The following PFKP variants were observed in gnomAD, a reference collection of about 807,000 sequenced individuals.
The protein encoded by PFKP is phosphofructokinase, platelet, also known as ATP-dependent 6-phosphofructokinase, platelet type.
Under a neutral mutation model 94.3 loss-of-function variants are expected in PFKP, and 101 were observed. The observed-to-expected ratio is 1.07, with a 90% CI of 0.91 to 1.26. The LOEUF is 1.26. PFKP is among the 50% of genes most tolerant of loss of function. The probability of loss-of-function intolerance (pLI) is 0.00; values close to 1 mark genes in which losing one functional copy is unlikely to be tolerated. For missense variants in PFKP, 1,145 were observed against 1,103.3 expected (o/e 1.04, Z -0.53); for synonymous variants, 573 against 432.6 (o/e 1.32, Z -4.03).
At chr10:3,118,428 A>G (rs974971287) in intron 14 of PFKP, among the ~76,000 whole-genome samples, 4 of 152,198 alleles carry the variant, frequency 2.6e-5, no homozygotes, top group Non-Finnish European at 5.9e-5. Context: ...AGATTACGCC[A>G]CTACACTCCA....
chr10:3,074,470 G>A (rs1042163023), intron 1 of PFKP, among the ~76,000 whole-genome samples: 6 of 152,186 alleles, frequency 3.9e-5, no homozygotes, highest in Non-Finnish European at 8.8e-5. Context: ...CTCCGATAAG[G>A]GTGGCTTTGT....
At chr10:3,107,366 T>TA in intron 8 of PFKP, 57 bp downstream of exon 8, 1 of 1,034,814 alleles carries the variant, frequency 9.7e-7, no homozygotes, top group Non-Finnish European at 1.5e-6. Context: ...CAGGGGAGGC[T>TA]AGCGTCATGG....
chr10:3,125,111 G>A (rs115270591), intron 16 of PFKP: 92 of 1,315,524 alleles, frequency 7.0e-5, no homozygotes, highest in Middle Eastern at 2.3e-4. Flanking sequence ...ACAAGAGTGC[G>A]TGCGACATGG....
chr10:3,069,097 G>A, intron 1 of PFKP: 1 of 336,116 alleles, frequency 3.0e-6, no homozygotes, highest in African/African-American at 2.2e-5. Context: ...CCCGACACCC[G>A]TGCGCCGCGC....
At chr10:3,117,135 T>C (rs1308806655) in intron 14 of PFKP, among the ~76,000 whole-genome samples, 2 of 152,186 alleles carry the variant, frequency 1.3e-5, no homozygotes, top group African/African-American at 4.8e-5. Context: ...AAGCCTCCAC[T>C]TGGAGGTCAT....
At chr10:3,093,191 ATTT>A (rs35072017) in intron 2 of PFKP, among the ~76,000 whole-genome samples, 1 of 147,280 alleles carries the variant, frequency 6.8e-6, no homozygotes, top group East Asian at 2.0e-4. Flanking sequence ...ACTGTGTCTG[ATTT>A]TTTTTTTTTT....
intron 1 of PFKP, among the ~76,000 whole-genome samples, chr10:3,080,536 AAAAAG>A (rs1475676822): frequency 1.7e-4 from 26 of 149,978 alleles, no homozygotes; most frequent in East Asian, 3.9e-4. Context: ...AAAAAAAAAA[AAAAAG>A]AGAATATTGA....
rs751059143 is a variant in PFKP at position 3,100,923 on chromosome 10, G to A, written c.265-442G>A. 3.3e-5 allele frequency: 53 copies of A among 1,595,486 alleles called. No individual in the cohort carries two copies. In the South Asian group the frequency reaches 4.4e-4, roughly 13 times the overall value. On this transcript the variant is annotated intron_variant, in intron 3 of 21. Coordinates refer to ENST00000381125, the MANE Select transcript of PFKP (RefSeq NM_002627.5). ...GTTCCTGCTGGTTTTACTTGCAGGT[G>A]CTGTAAGGGGTGACTGGAGGGAGAA...
chr10:3,113,168 C>A lies in PFKP; in HGVS notation c.1204C>A (p.Pro402Thr), dbSNP rs748463060. 1 of 1,612,594 alleles carries A rather than the reference C, an allele frequency of 6.2e-7. No individual in the cohort carries two copies. Among genetic ancestry groups the A allele is most frequent in the Non-Finnish European group, 8.5e-7 (1 of 1,179,430 alleles). The change falls in exon 12 of 22, where the codon CCG becomes ACG. Residue 402 changes from proline (P) to threonine (T), a missense_variant. Physicochemically the swap from Pro to Thr is conservative, Grantham distance 38. Transcript: ENST00000381125. Reference sequence around the variant, plus strand: ...CTACAAGCGACTTGCCATCAAGCTGCCGGATGATCAGATCCCAAAGGTAGG... The same window carrying A: ...CTACAAGCGACTTGCCATCAAGCTGACGGATGATCAGATCCCAAAGGTAGG... ...NTYKRLAIKL[P>T]DDQIPKTNCN...
intron 4 of PFKP, among the ~76,000 whole-genome samples, chr10:3,102,469 A>G (rs1211761366): frequency 6.6e-6 from 1 of 151,812 alleles, no homozygotes; most frequent in Non-Finnish European, 1.5e-5. Flanking sequence ...GCTGGAGTGC[A>G]GTGGCACGAT....
rs575893132 is a variant in PFKP, at chr10:3,112,273, C to T, written c.1141C>T (p.Arg381Ter). 20 of 1,613,378 alleles carry T rather than the reference C, an allele frequency of 1.2e-5. No homozygotes were observed. Among genetic ancestry groups the T allele is most frequent in the South Asian group, 2.2e-5 (2 of 91,076 alleles). ...MDERRFQDAVRLRGRSFAGNL... is the reference protein window; with the variant it reads ...MDERRFQDAV ...CGAGAGGAGATTTCAAGATGCGGTTCGACTCCGAGGGAGGTGAGGTGCTTT... is the reference window on the plus strand; with the variant it reads ...CGAGAGGAGATTTCAAGATGCGGTTTGACTCCGAGGGAGGTGAGGTGCTTT... The change falls in exon 11 of 22, where the codon CGA (arginine) becomes TGA (stop). Residue 381 changes from arginine (R) to a stop codon, truncating the protein, a stop_gained. Transcript: ENST00000381125. LOFTEE classifies it high-confidence loss of function.
In PFKP at chr10:3,100,574, G is replaced by A. The variant is rs560821998; in HGVS notation, c.265-791G>A. The stretch of plus-strand genomic sequence containing the variant: ...GTCTCCTGGGAGCTGCCTGCAGACC[G>A]AAGGCAGGGAGAGCTTCGCCTCCAG... On this transcript the variant is annotated intron_variant, in intron 3 of 21. Coordinates refer to ENST00000381125, the MANE Select transcript of PFKP (RefSeq NM_002627.5). Among the ~76,000 whole-genome samples, 14 of 152,278 alleles carry A rather than the reference G, an allele frequency of 9.2e-5. 1 individual carries two copies. The highest frequency in any genetic ancestry group is 3.1e-4 in the African/African-American group (13 of 41,562).
Position 3,128,484 on chromosome 10 carries a change from C to T in PFKP, c.1684-1335C>T, listed in dbSNP as rs528848683. On this transcript the variant is annotated intron_variant, in intron 16 of 21. Coordinates refer to ENST00000381125, the MANE Select transcript of PFKP (RefSeq NM_002627.5). ...TGGCCGCTGTGACACTGACCACACA[C>T]CTGGGGCTGGAAAATAATACTCTCT... Among the ~76,000 whole-genome samples, 270 of 140,784 alleles carry T rather than the reference C, an allele frequency of 1.9e-3. 3 individuals carry two copies. The highest frequency in any genetic ancestry group is 1.5e-3 in the Non-Finnish European group (94 of 63,816). The allele number at this position is 140,784 out of a possible 152,430, so 92.4% of individuals were successfully genotyped here. A position where few individuals can be genotyped will look rare whatever the true frequency, so the allele number is the denominator to read the frequency against.
Position 3,099,439 on chromosome 10 carries a change from A to T in PFKP, c.264+87A>T, listed in dbSNP as rs555186219. On this transcript the variant is annotated intron_variant, in intron 3 of 21. Transcript: ENST00000381125. ...TTCCCAGAACACTTGAGCTCAGATCAGTTGCGAAATAGAGATTATGTGGAC... is the reference window on the plus strand; with the variant it reads ...TTCCCAGAACACTTGAGCTCAGATCTGTTGCGAAATAGAGATTATGTGGAC... 1.4e-4 allele frequency: 152 copies of T among 1,050,062 alleles called. 1 individual carries two copies. The South Asian group carries it at 1.8e-3, about 12-fold the overall frequency. 65.0% of individuals were successfully genotyped at this position (1,050,062 alleles called of 1,614,324 possible).
At chr10:3,101,994 G>A (rs951132135) in intron 4 of PFKP, among the ~76,000 whole-genome samples, 55 of 150,880 alleles carry the variant, frequency 3.6e-4, no homozygotes, top group African/African-American at 1.3e-3. Flanking sequence ...GCTCACGCCT[G>A]TAATCCCAGC....
chr10:3,094,156 G>A (rs1007445131), intron 2 of PFKP, among the ~76,000 whole-genome samples: 13 of 152,184 alleles, frequency 8.5e-5, no homozygotes, highest in Non-Finnish European at 1.6e-4. Context: ...TCAAGGTGGG[G>A]TTTGCTGTAA....
intron 16 of PFKP, chr10:3,128,966 G>A (rs1214765048): frequency 6.6e-6 from 1 of 152,346 alleles, no homozygotes; most frequent in East Asian, 1.9e-4. Context: ...ACAAAGGCTT[G>A]ATGTGTACTT....
chr10:3,072,635 C>G (rs1832282658), intron 1 of PFKP, among the ~76,000 whole-genome samples: 2 of 151,946 alleles, frequency 1.3e-5, no homozygotes. Context: ...CTCGAATGAC[C>G]CTTCGAAGCT....
intron 13 of PFKP, among the ~76,000 whole-genome samples, 158 bp downstream of exon 13, chr10:3,113,676 C>G (rs1318655572): frequency 3.7e-5 from 2 of 53,700 alleles, no homozygotes; most frequent in Admixed American, 3.7e-4. Context: ...GGAGTAAAAT[C>G]TCACCCTAAG....
Sources: allele counts gnomAD v4.1 joint callset (sites outside exome capture counted in the v4.1 genomes callset), GRCh38; gene constraint gnomAD v4.1.1; transcripts MANE v1.5; gene names NCBI Gene and HGNC (gene_info 2026-07-23, HGNC 2026-07-21).